Variants in STXBP4 observed in about 807,000 individuals in gnomAD.
STXBP4 encodes the protein syntaxin binding protein 4, also known as syntaxin-binding protein 4.
In STXBP4, 55 loss-of-function variants were observed where a neutral mutation model predicts 76.1. That is an observed-to-expected ratio of 0.72 (90% CI 0.58 to 0.91). The LOEUF (loss-of-function observed/expected upper bound fraction) is 0.91, where lower values mean the gene tolerates loss of function less well. Ranked by LOEUF, STXBP4 falls within the 40% of genes least tolerant of loss-of-function variation. STXBP4 has a pLI of 0.00. For synonymous variants in STXBP4, 201 were observed against 220.2 expected, an observed-to-expected ratio of 0.91 and a Z score of 0.77; for missense variants, 618 against 636.9, an observed-to-expected ratio of 0.97 and a Z score of 0.32.
At chr17:55,125,497 A>G (rs947846672) in intron 16 of STXBP4, among the ~76,000 whole-genome samples, 2 of 151,318 alleles carry the variant, frequency 1.3e-5, no homozygotes. Context: ...AAAAAAAAAA[A>G]AAATACAATT....
At chr17:55,209,074 T>TC in the STXBP4 span, among the ~76,000 whole-genome samples, 1 of 152,048 alleles carries the variant, frequency 6.6e-6, no homozygotes, top group Non-Finnish European at 1.5e-5. Context: ...AGAGCAAGAC[T>TC]CCATCTCAAA....
the STXBP4 span, among the ~76,000 whole-genome samples, chr17:55,209,649 G>A: frequency 6.6e-6 from 1 of 152,036 alleles, no homozygotes; most frequent in Non-Finnish European, 1.5e-5. Context: ...CACCTGTTCT[G>A]GATAAGGGCG....
chr17:55,172,218 A>T lies in STXBP4; in HGVS notation c.*12307A>T, dbSNP rs897027233. ...TGTGGGCGATGACCAGGTCTGGTAT[A>T]TTAAGAGGCTCTTGGTAGCACATTA... On this transcript the variant is annotated 3_prime_UTR_variant, in exon 18 of 18. Transcript: ENST00000376352. 1 of 152,238 alleles carries T rather than the reference A, an allele frequency of 6.6e-6. No homozygotes were observed. The highest frequency in any genetic ancestry group is 1.5e-5 in the Non-Finnish European group (1 of 68,064). 9.4% of individuals were successfully genotyped at this position (152,238 alleles called of 1,614,324 possible). A position where few individuals can be genotyped will look rare whatever the true frequency, so the allele number is the denominator to read the frequency against.
At chr17:55,120,382 A>G (rs980969120) in intron 16 of STXBP4, among the ~76,000 whole-genome samples, 3 of 152,252 alleles carry the variant, frequency 2.0e-5, no homozygotes, top group South Asian at 2.1e-4. Flanking sequence ...GTACCTACCT[A>G]TAAATAATTA....
At chr17:55,024,822 A>G (rs2078382838) in intron 8 of STXBP4, among the ~76,000 whole-genome samples, 1 of 152,116 alleles carries the variant, frequency 6.6e-6, no homozygotes, top group Non-Finnish European at 1.5e-5. Context: ...ATCAGCCCAA[A>G]TTTCACAATG....
intron 8 of STXBP4, among the ~76,000 whole-genome samples, chr17:55,018,981 T>G (rs1231248138): frequency 6.6e-6 from 1 of 152,198 alleles, no homozygotes; most frequent in African/African-American, 2.4e-5. Flanking sequence ...AAATTTTTGC[T>G]TCTGTGTTTT....
rs1166294892 is a variant in STXBP4 at position 55,173,133 on chromosome 17, A to G, written c.*13222A>G. On this transcript the variant is annotated 3_prime_UTR_variant, in exon 18 of 18. Transcript: ENST00000376352. ...CTGTGTCAGCAATGAGATTTGTTTC[A>G]TTGTTTTGCCTTGTTTTGTCATTGA... The G allele has an allele frequency of 1.3e-5, 2 of 152,110 alleles. No individual in the cohort carries two copies. Among genetic ancestry groups the G allele is most frequent in the Non-Finnish European group, 2.9e-5 (2 of 68,010 alleles). 9.4% of individuals were successfully genotyped at this position (152,110 alleles called of 1,614,324 possible). A position where few individuals can be genotyped will look rare whatever the true frequency, so the allele number is the denominator to read the frequency against.
chr17:55,184,421 A>T, the STXBP4 span, among the ~76,000 whole-genome samples: 2 of 152,256 alleles, frequency 1.3e-5, no homozygotes, highest in Non-Finnish European at 2.9e-5. Context: ...TAAGCATCAC[A>T]CAGGAGAAAT....
In STXBP4 at chr17:55,165,242, C is replaced by T. The variant is rs547099740; in HGVS notation, c.*5331C>T. On this transcript the variant is annotated 3_prime_UTR_variant, in exon 18 of 18. Coordinates refer to ENST00000376352, the MANE Select transcript of STXBP4 (RefSeq NM_178509.6). ...GAGGAAGATGAGGCTTTCTTACTCA[C>T]TGTCTAGGAAATAATTCTCCTGGCT... is the stretch of plus-strand genomic sequence containing the variant. The T allele has an allele frequency of 6.6e-6, 1 of 152,292 alleles. No individual in the cohort carries two copies. Among genetic ancestry groups the T allele is most frequent in the Admixed American group, 6.5e-5 (1 of 15,298 alleles). The allele number at this position is 152,292 out of a possible 1,614,324, so 9.4% of individuals were successfully genotyped here. A position where few individuals can be genotyped will look rare whatever the true frequency, so the allele number is the denominator to read the frequency against.
chr17:54,968,887 G>C (rs1259133724), intron 1 of STXBP4, 72 bp downstream of exon 1: 1 of 460,962 alleles, frequency 2.2e-6, no homozygotes, highest in Non-Finnish European at 3.9e-6. Flanking sequence ...TAACATTTAG[G>C]AAAATGCGTT....
At chr17:55,021,761 C>T (rs2078315706) in intron 8 of STXBP4, among the ~76,000 whole-genome samples, 1 of 151,990 alleles carries the variant, frequency 6.6e-6, no homozygotes, top group African/African-American at 2.4e-5. Flanking sequence ...TACATTTTAA[C>T]TTTCACATAA....
chr17:55,034,491 C>T (rs2078564804), intron 10 of STXBP4, among the ~76,000 whole-genome samples: 1 of 152,082 alleles, frequency 6.6e-6, no homozygotes, highest in African/African-American at 2.4e-5. Flanking sequence ...CCAGTATTGA[C>T]AATTTGATAT....
At chr17:54,987,317 G>T (rs923584222) in intron 3 of STXBP4, among the ~76,000 whole-genome samples, 1 of 151,840 alleles carries the variant, frequency 6.6e-6, no homozygotes, top group Non-Finnish European at 1.5e-5. Flanking sequence ...CTTCTTTTTG[G>T]TTAAGCCAAT....
At chr17:54,980,182 A>G (rs533206911) in intron 1 of STXBP4, among the ~76,000 whole-genome samples, 1 of 152,314 alleles carries the variant, frequency 6.6e-6, no homozygotes, top group South Asian at 2.1e-4. Flanking sequence ...ACATATAATC[A>G]TATAATCAAG....
At chr17:54,979,313 TA>T in intron 1 of STXBP4, among the ~76,000 whole-genome samples, 1 of 152,326 alleles carries the variant, frequency 6.6e-6, no homozygotes, top group Non-Finnish European at 1.5e-5. Flanking sequence ...CTAGCATTTT[TA>T]GATACTTCTG....
intron 10 of STXBP4, among the ~76,000 whole-genome samples, chr17:55,036,965 G>A (rs1370655004): frequency 6.6e-6 from 1 of 151,910 alleles, no homozygotes; most frequent in Non-Finnish European, 1.5e-5. Flanking sequence ...AAAAAATGAT[G>A]CATGTCACTT....
chr17:55,184,803 T>G, the STXBP4 span, among the ~76,000 whole-genome samples: 1 of 152,236 alleles, frequency 6.6e-6, no homozygotes, highest in Non-Finnish European at 1.5e-5. Flanking sequence ...GAAGGGGGTC[T>G]GTGGATTAGA....
intron 16 of STXBP4, among the ~76,000 whole-genome samples, chr17:55,119,864 CA>C (rs1338215040): frequency 6.6e-6 from 1 of 151,770 alleles, no homozygotes; most frequent in Non-Finnish European, 1.5e-5. Flanking sequence ...ATACCTCAAA[CA>C]AAAAAATGAG....
At chr17:55,119,402 T>G (rs1260767476) in intron 16 of STXBP4, among the ~76,000 whole-genome samples, 1 of 152,106 alleles carries the variant, frequency 6.6e-6, no homozygotes, top group Admixed American at 6.6e-5. Flanking sequence ...CTGTGAAAGA[T>G]TGGGAGAAAA....
Sources: gnomAD v4.1 joint callset for allele counts (sites outside exome capture counted in the v4.1 genomes callset) on GRCh38, gnomAD v4.1.1 for gene constraint, MANE v1.5 for transcripts, NCBI Gene and HGNC (gene_info 2026-07-23, HGNC 2026-07-21) for gene names.